The following MYO3B variants were observed in gnomAD, a reference collection of about 807,000 sequenced individuals.
MYO3B encodes myosin IIIB.
A neutral mutation model predicts 174.6 loss-of-function variants in MYO3B; 156 were observed. That is an observed-to-expected ratio of 0.89 (90% CI 0.78 to 1.02). The LOEUF (loss-of-function observed/expected upper bound fraction) is 1.02. MYO3B is among the 50% of genes least tolerant of loss of function. The probability of loss-of-function intolerance (pLI) is 0.00; values close to 1 mark genes in which losing one functional copy is unlikely to be tolerated. For synonymous variants in MYO3B, 563 were observed against 569.1 expected (o/e 0.99, Z 0.15); for missense variants, 1,632 against 1,639.4 (o/e 1.00, Z 0.08).
chr2:170,484,363 AAAT>A (rs1182455137), intron 25 of MYO3B, among the ~76,000 whole-genome samples: 1 of 152,234 alleles, frequency 6.6e-6, no homozygotes, highest in Non-Finnish European at 1.5e-5. Context: ...ATTCATTGTG[AAAT>A]CAATCTGTAG....
In MYO3B at chr2:170,511,066, T is replaced by G. The variant is rs529917931; in HGVS notation, c.3371-3855T>G. 2.6e-3 allele frequency among the ~76,000 whole-genome samples: 398 copies of G among 151,390 alleles called. 3 individuals are homozygous for G. Among genetic ancestry groups the G allele is most frequent in the Middle Eastern group, 0.01 (3 of 292 alleles). ...ATTTAGAGCATTTTCCTTTTGTTTT[T>G]TTTTTTTTTTTGAGACGGAGTCTCA... is the stretch of plus-strand genomic sequence containing the variant. On this transcript the variant is annotated intron_variant, in intron 28 of 34. Transcript: ENST00000408978.
intron 1 of MYO3B, among the ~76,000 whole-genome samples, 188 bp from the exon 2 acceptor site, chr2:170,199,020 C>T (rs1389862619): frequency 2.6e-5 from 4 of 152,180 alleles, no homozygotes; most frequent in Non-Finnish European, 1.5e-5. Flanking sequence ...TACTCCTCCA[C>T]TCTATCTTTT....
At chr2:170,419,681 A>G (rs890939776) in intron 22 of MYO3B, among the ~76,000 whole-genome samples, 2 of 152,206 alleles carry the variant, frequency 1.3e-5, no homozygotes, top group East Asian at 3.9e-4. Context: ...TACTGTGGCC[A>G]CCTAGAGCGG....
intron 9 of MYO3B, among the ~76,000 whole-genome samples, chr2:170,373,630 T>G (rs930882399): frequency 4.0e-5 from 6 of 151,354 alleles, no homozygotes; most frequent in Non-Finnish European, 5.9e-5. Flanking sequence ...AGGATATATA[T>G]AGAGAGGGAG....
At chr2:170,536,799 A>G (rs756055408) in intron 30 of MYO3B, among the ~76,000 whole-genome samples, 2 of 152,308 alleles carry the variant, frequency 1.3e-5, no homozygotes, top group South Asian at 2.1e-4. Context: ...GAAGATGTGT[A>G]TGTTTTCTAT....
At chr2:170,259,328 A>T (rs2105346579) in intron 7 of MYO3B, among the ~76,000 whole-genome samples, 1 of 152,340 alleles carries the variant, frequency 6.6e-6, no homozygotes, top group East Asian at 1.9e-4. Context: ...GCAAGGTTAC[A>T]GTAGCCAAAA....
intron 14 of MYO3B, among the ~76,000 whole-genome samples, chr2:170,391,120 G>C (rs984244278): frequency 6.6e-6 from 1 of 152,064 alleles, no homozygotes; most frequent in East Asian, 1.9e-4. Context: ...TGTGAGACTT[G>C]CAGGCCACTT....
intron 28 of MYO3B, among the ~76,000 whole-genome samples, chr2:170,502,680 C>A (rs1355522679): frequency 6.6e-6 from 1 of 152,162 alleles, no homozygotes; most frequent in Admixed American, 6.5e-5. Context: ...AAACAGGCCC[C>A]TGAGCTCCAG....
chr2:170,603,892 C>T (rs1694661996), intron 32 of MYO3B, among the ~76,000 whole-genome samples: 1 of 152,070 alleles, frequency 6.6e-6, no homozygotes. Flanking sequence ...ATGGTGGTCC[C>T]GTAAGATTAT....
At chr2:170,330,265 C>T (rs989953582) in intron 7 of MYO3B, among the ~76,000 whole-genome samples, 1 of 152,082 alleles carries the variant, frequency 6.6e-6, no homozygotes, top group Non-Finnish European at 1.5e-5. Context: ...TCATTTTGCA[C>T]CTTCTTGAGG....
intron 32 of MYO3B, chr2:170,650,019 C>CTTTT (rs1017785949): frequency 3.0e-4 from 20 of 65,616 alleles, no homozygotes; most frequent in Non-Finnish European, 3.6e-4. Context: ...ATGTGATAGT[C>CTTTT]TTTTTTTTTT....
At chr2:170,436,444 C>T (rs1167361694) in intron 22 of MYO3B, among the ~76,000 whole-genome samples, 1 of 152,156 alleles carries the variant, frequency 6.6e-6, no homozygotes, top group Non-Finnish European at 1.5e-5. Context: ...TTATAAAGCT[C>T]CTGCCACCCC....
chr2:170,179,930 C>T (rs866551622), intron 1 of MYO3B, among the ~76,000 whole-genome samples: 60 of 152,010 alleles, frequency 3.9e-4, no homozygotes, highest in African/African-American at 1.0e-3. Flanking sequence ...TTCAGGTTTC[C>T]GATTTCTTCT....
intron 32 of MYO3B, among the ~76,000 whole-genome samples, chr2:170,631,259 G>C (rs1696947730): frequency 6.6e-6 from 1 of 152,184 alleles, no homozygotes; most frequent in African/African-American, 2.4e-5. Context: ...GAATGCACAA[G>C]CTTCAGTAGC....
At chr2:170,500,718 T>A (rs1687208724) in intron 27 of MYO3B, among the ~76,000 whole-genome samples, 1 of 152,126 alleles carries the variant, frequency 6.6e-6, no homozygotes, top group South Asian at 2.1e-4. Flanking sequence ...GTGCCGCATC[T>A]CCCAGAATGA....
intron 7 of MYO3B, among the ~76,000 whole-genome samples, chr2:170,308,307 G>A (rs1178236161): frequency 6.6e-6 from 1 of 152,182 alleles, no homozygotes; most frequent in Non-Finnish European, 1.5e-5. Flanking sequence ...GCATACAGAA[G>A]CCCGAAAGCA....
chr2:170,482,156 T>G (rs1185214104), intron 25 of MYO3B, among the ~76,000 whole-genome samples: 1 of 143,682 alleles, frequency 7.0e-6, no homozygotes, highest in East Asian at 2.3e-4. Context: ...ACAAGTTCTC[T>G]CTCTTTTTTT....
chr2:170,382,255 A>C, intron 10 of MYO3B, 143 bp downstream of exon 10: 2 of 617,410 alleles, frequency 3.2e-6, no homozygotes, highest in Non-Finnish European at 5.8e-6. Context: ...TTCAGGGAGC[A>C]TTCAGTTGCT....
At chr2:170,221,213 A>G (rs2092896487) in intron 6 of MYO3B, among the ~76,000 whole-genome samples, 1 of 152,100 alleles carries the variant, frequency 6.6e-6, no homozygotes, top group Non-Finnish European at 1.5e-5. Flanking sequence ...TCTTTAGATT[A>G]AATACGACAA....
Sources: allele counts gnomAD v4.1 joint callset (sites outside exome capture counted in the v4.1 genomes callset), GRCh38; gene constraint gnomAD v4.1.1; transcripts MANE v1.5; gene names NCBI Gene and HGNC (gene_info 2026-07-23, HGNC 2026-07-21).